Variants in HCRTR2 observed in about 807,000 individuals in gnomAD.
HCRTR2 encodes orexin receptor type 2.
Under a neutral mutation model 49.0 loss-of-function variants are expected in HCRTR2, and 22 were observed. The ratio of observed to expected loss-of-function variants is 0.45; its 90% confidence interval spans 0.32 to 0.64. The LOEUF is 0.64. Among genes scored for constraint, HCRTR2 ranks in the 30% least tolerant of loss-of-function variants. The pLI is 0.04. For synonymous variants in HCRTR2, 236 were observed against 205.3 expected (o/e 1.15, Z -1.28); for missense variants, 491 against 559.4 (o/e 0.88, Z 1.23).
At chr6:55,224,910 A>T (rs1325560748) in intron 1 of HCRTR2, among the ~76,000 whole-genome samples, 1 of 152,172 alleles carries the variant, frequency 6.6e-6, no homozygotes, top group Non-Finnish European at 1.5e-5. Flanking sequence ...TCAGTTAAAG[A>T]GGAAGAATAC....
At chr6:55,166,188 G>T (rs937598183) in intron 1 of HCRTR2, among the ~76,000 whole-genome samples, 2 of 151,954 alleles carry the variant, frequency 1.3e-5, no homozygotes, top group African/African-American at 4.8e-5. Flanking sequence ...CTTGATCATG[G>T]TGTATTATCT....
At chr6:55,119,574 T>A (rs1270582813) in intron 1 of HCRTR2, among the ~76,000 whole-genome samples, 1 of 152,156 alleles carries the variant, frequency 6.6e-6, no homozygotes, top group African/African-American at 2.4e-5. Context: ...ACTGCATAAA[T>A]GTCTTCTTTT....
intron 1 of HCRTR2, among the ~76,000 whole-genome samples, chr6:55,122,289 T>C (rs1195771794): frequency 6.6e-6 from 1 of 152,178 alleles, no homozygotes; most frequent in African/African-American, 2.4e-5. Context: ...AGTTTGTATT[T>C]CTGTGGAATC....
chr6:55,116,007 A>C (rs1407592156), intron 1 of HCRTR2, among the ~76,000 whole-genome samples: 2 of 151,690 alleles, frequency 1.3e-5, no homozygotes, highest in Non-Finnish European at 3.0e-5. Context: ...TTTAAATCCA[A>C]ATTTATTTCT....
chr6:55,181,805 A>G lies in HCRTR2; in HGVS notation c.223+6995A>G, dbSNP rs79856545. Among the ~76,000 whole-genome samples, 345 of 152,350 alleles carry G rather than the reference A, an allele frequency of 2.3e-3. 3 individuals are homozygous for G. The highest frequency in any genetic ancestry group is 0.018 in the East Asian group (92 of 5,190). On this transcript the variant is annotated intron_variant, in intron 1 of 6. Coordinates refer to ENST00000370862, the MANE Select transcript of HCRTR2 (RefSeq NM_001384272.1). ...AATTATCTTTTACTGGTCTTCAGCT[A>G]TCCTGTCTTTGATATGTGATTGTGT...
intron 1 of HCRTR2, among the ~76,000 whole-genome samples, chr6:55,195,496 A>G (rs1441882573): frequency 6.6e-6 from 1 of 152,218 alleles, no homozygotes; most frequent in Non-Finnish European, 1.5e-5. Context: ...AATGTCAGGA[A>G]TTGATCCAGT....
chr6:55,205,998 T>A (rs1194158062), intron 1 of HCRTR2, among the ~76,000 whole-genome samples: 3 of 152,078 alleles, frequency 2.0e-5, no homozygotes, highest in African/African-American at 2.4e-5. Context: ...AATAAAAAAA[T>A]TTAAAAATTA....
At chr6:55,212,351 T>C (rs1305562657) in intron 1 of HCRTR2, among the ~76,000 whole-genome samples, 1 of 152,170 alleles carries the variant, frequency 6.6e-6, no homozygotes, top group African/African-American at 2.4e-5. Context: ...CCAACTTTGT[T>C]CAAGTAGTAA....
chr6:55,200,636 C>A (rs1348952440), intron 1 of HCRTR2, among the ~76,000 whole-genome samples: 2 of 152,024 alleles, frequency 1.3e-5, no homozygotes, highest in Non-Finnish European at 2.9e-5. Context: ...GTCCATATAT[C>A]TTTTTACACT....
chr6:55,222,340 A>G (rs1765915073), intron 1 of HCRTR2, among the ~76,000 whole-genome samples: 1 of 152,132 alleles, frequency 6.6e-6, no homozygotes. Flanking sequence ...ATGTGGAGAA[A>G]CTAGAACCTT....
intron 1 of HCRTR2, among the ~76,000 whole-genome samples, chr6:55,187,940 C>T (rs1438636888): frequency 6.6e-6 from 1 of 152,046 alleles, no homozygotes; most frequent in Admixed American, 6.6e-5. Flanking sequence ...CCATGCCCGG[C>T]TAATTTTTTT....
At chr6:55,209,263 T>C (rs563797534) in intron 1 of HCRTR2, among the ~76,000 whole-genome samples, 1 of 152,280 alleles carries the variant, frequency 6.6e-6, no homozygotes, top group Admixed American at 6.5e-5. Flanking sequence ...CATTTAAGTG[T>C]CATGGAAAAA....
intron 2 of HCRTR2, among the ~76,000 whole-genome samples, chr6:55,254,598 A>G (rs896259236): frequency 2.0e-5 from 3 of 152,138 alleles, no homozygotes; most frequent in African/African-American, 7.2e-5. Context: ...TTGAAAATGC[A>G]CTGATGTACA....
chr6:55,203,015 T>G (rs949690796), intron 1 of HCRTR2, among the ~76,000 whole-genome samples: 1 of 152,200 alleles, frequency 6.6e-6, no homozygotes, highest in African/African-American at 2.4e-5. Context: ...GTAAAAACAC[T>G]GCTTTAAAAA....
intron 1 of HCRTR2, among the ~76,000 whole-genome samples, chr6:55,189,938 C>T (rs1765288600): frequency 6.6e-6 from 1 of 152,074 alleles, no homozygotes. Flanking sequence ...GTTTGAATTG[C>T]TAGAGGAGTA....
Position 55,282,575 on chromosome 6 carries a change from T to TA in HCRTR2, c.*123dup. On this transcript the variant is annotated 3_prime_UTR_variant, in exon 7 of 7. Coordinates refer to ENST00000370862, the MANE Select transcript of HCRTR2 (RefSeq NM_001384272.1). ...ATTACTTGTGGATCTTTTTTTTTTT[T>TA]AATCTATTGCTCTTTGGAAATAAAA... 1 of 654,396 alleles carries TA rather than the reference T, an allele frequency of 1.5e-6. No individual in the cohort carries two copies. Among genetic ancestry groups the TA allele is most frequent in the East Asian group, 2.7e-5 (1 of 36,770 alleles). 40.5% of individuals were successfully genotyped at this position (654,396 alleles called of 1,614,324 possible). A position where few individuals can be genotyped will look rare whatever the true frequency, so the allele number is the denominator to read the frequency against.
chr6:55,114,113 A>G (rs1764085532), intron 1 of HCRTR2, among the ~76,000 whole-genome samples: 1 of 151,716 alleles, frequency 6.6e-6, no homozygotes, highest in South Asian at 2.1e-4. Flanking sequence ...AATGGACTTT[A>G]GGAACTTTGG....
intron 1 of HCRTR2, among the ~76,000 whole-genome samples, chr6:55,227,713 A>T (rs1290441366): frequency 6.6e-5 from 10 of 152,184 alleles, no homozygotes; most frequent in African/African-American, 2.4e-4. Flanking sequence ...GATATAAATT[A>T]GATGCTGTTG....
chr6:55,197,533 A>C (rs2127282055), intron 1 of HCRTR2, among the ~76,000 whole-genome samples: 1 of 152,246 alleles, frequency 6.6e-6, no homozygotes, highest in East Asian at 1.9e-4. Flanking sequence ...CTCTAACCCA[A>C]AACCAAAACT....
Sources: gnomAD v4.1 joint callset for allele counts (sites outside exome capture counted in the v4.1 genomes callset) on GRCh38, gnomAD v4.1.1 for gene constraint, MANE v1.5 for transcripts, NCBI Gene and HGNC (gene_info 2026-07-23, HGNC 2026-07-21) for gene names.